ATP8A2: variants seen among roughly 807,000 people sequenced by gnomAD.
The protein encoded by ATP8A2 is phospholipid-transporting ATPase IB.
In ATP8A2, 100 loss-of-function variants were observed where a neutral mutation model predicts 165.6. The observed-to-expected ratio is 0.60, with a 90% CI of 0.51 to 0.71. ATP8A2 has a LOEUF of 0.71. Among genes scored for constraint, ATP8A2 ranks in the 30% least tolerant of loss-of-function variants. The probability of loss-of-function intolerance (pLI) is 0.00; values close to 1 mark genes in which losing one functional copy is unlikely to be tolerated. For missense variants in ATP8A2, 1,227 were observed against 1,479.5 expected (o/e 0.83, Z 2.80); for synonymous variants, 543 against 548.8 (o/e 0.99, Z 0.15).
intron 2 of ATP8A2, among the ~76,000 whole-genome samples, chr13:25,513,348 T>G (rs1298135604): frequency 6.7e-6 from 1 of 149,150 alleles, no homozygotes; most frequent in Non-Finnish European, 1.5e-5. Flanking sequence ...GCTCCCCACA[T>G]CTCAGACGAT....
intron 2 of ATP8A2, among the ~76,000 whole-genome samples, chr13:25,484,865 A>T (rs755537442): frequency 6.6e-6 from 1 of 152,204 alleles, no homozygotes; most frequent in Non-Finnish European, 1.5e-5. Context: ...TTTTGTTTTT[A>T]TTCCAGTGAA....
chr13:25,870,881 T>A (rs1184918603), intron 33 of ATP8A2, among the ~76,000 whole-genome samples: 1 of 152,214 alleles, frequency 6.6e-6, no homozygotes, highest in Non-Finnish European at 1.5e-5. Flanking sequence ...AGACTTTGTG[T>A]TTGAGCTGCA....
chr13:25,926,062 TTG>T (rs1954597247), intron 33 of ATP8A2, among the ~76,000 whole-genome samples: 1 of 152,178 alleles, frequency 6.6e-6, no homozygotes, highest in Admixed American at 6.5e-5. Context: ...CATAATTAAA[TTG>T]TCTTAAATGT....
intron 24 of ATP8A2, among the ~76,000 whole-genome samples, chr13:25,591,081 C>T (rs2040060806): frequency 6.6e-6 from 1 of 152,106 alleles, no homozygotes; most frequent in Non-Finnish European, 1.5e-5. Context: ...AGTCTTCCCC[C>T]TCTCACACGT....
intron 25 of ATP8A2, among the ~76,000 whole-genome samples, chr13:25,732,415 T>C (rs927889780): frequency 1.3e-5 from 2 of 152,238 alleles, no homozygotes; most frequent in African/African-American, 2.4e-5. Context: ...GTAGTGGCCA[T>C]GTGAGCTCCA....
intron 35 of ATP8A2, among the ~76,000 whole-genome samples, chr13:26,006,435 T>C (rs915341231): frequency 1.8e-4 from 27 of 152,216 alleles, no homozygotes; most frequent in Non-Finnish European, 3.5e-4. Context: ...CTTCATCATA[T>C]AAGATCATGT....
chr13:25,816,889 T>A (rs937282016), intron 27 of ATP8A2, among the ~76,000 whole-genome samples: 3 of 152,188 alleles, frequency 2.0e-5, no homozygotes, highest in Non-Finnish European at 4.4e-5. Context: ...CTTCTGATGA[T>A]CCTAGTCTGT....
chr13:25,373,133 AGAG>A (rs2032487895), intron 1 of ATP8A2, among the ~76,000 whole-genome samples: 1 of 152,210 alleles, frequency 6.6e-6, no homozygotes, highest in Non-Finnish European at 1.5e-5. Flanking sequence ...GCAGACGTAA[AGAG>A]GAGCCCCAAA....
At position 25,779,299 on chromosome 13, in the gene ATP8A2, G is replaced by T. The variant is rs576886444; in HGVS notation, c.2679+4340G>T. On this transcript the variant is annotated intron_variant, in intron 27 of 36. Coordinates refer to ENST00000381655, the MANE Select transcript of ATP8A2 (RefSeq NM_016529.6). ...TTAAATGCTATGTTTCATGGTCGTG[G>T]CCAGATGGACCATATTTCTCAGAAG... Among the ~76,000 whole-genome samples, 18 of 150,358 alleles carry T rather than the reference G, an allele frequency of 1.2e-4. No individual in the cohort carries two copies. In the East Asian group the frequency reaches 2.4e-3, roughly 20 times the overall value.
At chr13:25,537,961 C>T (rs752352749) in intron 6 of ATP8A2, 27 bp from the exon 7 acceptor site, 2 of 1,561,198 alleles carry the variant, frequency 1.3e-6, no homozygotes, top group African/African-American at 1.4e-5. Flanking sequence ...CTTTCGTGCC[C>T]CTCTGTCCTC....
At chr13:25,862,188 G>A (rs1262677308) in intron 32 of ATP8A2, 113 bp from the exon 33 acceptor site, 1 of 699,292 alleles carries the variant, frequency 1.4e-6, no homozygotes, top group African/African-American at 1.8e-5. Context: ...AGTCATCAAA[G>A]TCTTTCCATA....
At chr13:25,973,343 A>C (rs1041796129) in intron 35 of ATP8A2, among the ~76,000 whole-genome samples, 1 of 152,150 alleles carries the variant, frequency 6.6e-6, no homozygotes, top group Admixed American at 6.5e-5. Context: ...CAGGGAATTC[A>C]GGAGGGAAAC....
chr13:25,891,678 T>A (rs994709021), intron 33 of ATP8A2, among the ~76,000 whole-genome samples: 1 of 152,110 alleles, frequency 6.6e-6, no homozygotes, highest in Non-Finnish European at 1.5e-5. Context: ...AATTTATCTA[T>A]TCATTAGGGG....
At chr13:26,010,467 G>A (rs1050248789) in intron 35 of ATP8A2, among the ~76,000 whole-genome samples, 4 of 152,246 alleles carry the variant, frequency 2.6e-5, no homozygotes, top group Admixed American at 2.0e-4. Context: ...TGGCTGGTGA[G>A]GCTACCCTGG....
intron 6 of ATP8A2, among the ~76,000 whole-genome samples, chr13:25,536,380 T>C (rs1468452113): frequency 6.6e-6 from 1 of 152,106 alleles, no homozygotes; most frequent in East Asian, 1.9e-4. Flanking sequence ...CCTCCCAAAG[T>C]GTTGGGATTA....
At chr13:25,592,712 T>G (rs542097140) in intron 24 of ATP8A2, among the ~76,000 whole-genome samples, 2 of 152,260 alleles carry the variant, frequency 1.3e-5, no homozygotes, top group South Asian at 4.2e-4. Context: ...TGAGCCTCTG[T>G]TTTCCCCTTA....
intron 33 of ATP8A2, chr13:25,927,167 T>C: frequency 2.2e-6 from 1 of 456,768 alleles, no homozygotes; most frequent in Admixed American, 2.3e-5. Context: ...GATATTGCCC[T>C]CCGTGCTGCA....
chr13:25,726,311 A>C (rs2043492656), intron 25 of ATP8A2, among the ~76,000 whole-genome samples: 1 of 152,194 alleles, frequency 6.6e-6, no homozygotes, highest in African/African-American at 2.4e-5. Context: ...CAAAAGTGTG[A>C]AAAGAATGGC....
rs1301960070 is a variant in ATP8A2 at position 25,531,422 on chromosome 13, T to TC, written c.420+762_420+763insC. ...ATTATATATATGATTATATATATGA[T>TC]ATATATATGATTATATATATGATTA... On this transcript the variant is annotated intron_variant, in intron 4 of 36. Coordinates refer to ENST00000381655, the MANE Select transcript of ATP8A2 (RefSeq NM_016529.6). Among the ~76,000 whole-genome samples, 288 of 55,166 alleles carry TC rather than the reference T, an allele frequency of 5.2e-3. 18 individuals are homozygous for TC. Among genetic ancestry groups the TC allele is most frequent in the African/African-American group, 0.026 (268 of 10,502 alleles). 36.2% of individuals were successfully genotyped at this position (55,166 alleles called of 152,430 possible).
Sources: allele counts gnomAD v4.1 joint callset (sites outside exome capture counted in the v4.1 genomes callset), GRCh38; gene constraint gnomAD v4.1.1; transcripts MANE v1.5; gene names NCBI Gene and HGNC (gene_info 2026-07-23, HGNC 2026-07-21).